The following PSMD1 variants were observed in gnomAD, a reference collection of about 807,000 sequenced individuals.
The protein encoded by PSMD1 is proteasome 26S subunit, non-ATPase 1.
In PSMD1, 18 loss-of-function variants were observed where a neutral mutation model predicts 119.0. The observed-to-expected ratio is 0.15, with a 90% CI of 0.10 to 0.22. PSMD1 has a LOEUF of 0.22. Among genes scored for constraint, PSMD1 ranks in the 10% least tolerant of loss-of-function variants. The pLI, the probability that PSMD1 is intolerant of heterozygous loss-of-function variation, is 1.00. For synonymous variants in PSMD1, 374 were observed against 396.6 expected (o/e 0.94, Z 0.68); for missense variants, 702 against 1,158.5 (o/e 0.61, Z 5.72).
chr2:231,104,875 C>T (rs2125197533), intron 16 of PSMD1, among the ~76,000 whole-genome samples: 1 of 152,230 alleles, frequency 6.6e-6, no homozygotes, highest in Non-Finnish European at 1.5e-5. Flanking sequence ...GAAGTGACAT[C>T]ATTTACTGTC....
At chr2:231,061,789 C>T (rs1237424897) in intron 2 of PSMD1, among the ~76,000 whole-genome samples, 1 of 152,094 alleles carries the variant, frequency 6.6e-6, no homozygotes, top group Non-Finnish European at 1.5e-5. Context: ...ATCTCAAACT[C>T]CTGCTCCTGG....
Position 231,109,190 on chromosome 2 carries a change from C to A in PSMD1, c.1883+22009C>A, listed in dbSNP as rs148453128. ...TGTAGACACAGTCAACCATGTTAGG[C>A]GTTGAGGTGGCTTGTTTTTGACTAA... On this transcript the variant is annotated intron_variant, in intron 16 of 24. Transcript: ENST00000308696. The A allele has an allele frequency of 2.5e-6, 4 of 1,614,106 alleles. No individual in the cohort carries two copies. In the African/African-American group the frequency reaches 4.0e-5, roughly 16 times the overall value.
Position 231,085,124 on chromosome 2 carries a change from C to T in PSMD1, c.1818+10C>T. ...CCTGCTACATGTTGCTGTAAGTACT[C>T]TGACCTTTCTTGGGAATGGGGTGGA... is the stretch of plus-strand genomic sequence containing the variant. On this transcript the variant is annotated intron_variant, in intron 15 of 24. Coordinates refer to ENST00000308696, the MANE Select transcript of PSMD1 (RefSeq NM_002807.4). 6.2e-7 allele frequency: 1 copy of T among 1,608,180 alleles called. No individual in the cohort carries two copies. The highest frequency in any genetic ancestry group is 8.5e-7 in the Non-Finnish European group (1 of 1,174,662).
chr2:231,123,811 T>TACC, intron 16 of PSMD1: 1 of 1,390,402 alleles, frequency 7.2e-7, no homozygotes, highest in Non-Finnish European at 1.0e-6. Flanking sequence ...GTGGTCAGCA[T>TACC]GGTTAGTAGC....
At chr2:231,138,432 C>T (rs1183943676) in intron 16 of PSMD1, among the ~76,000 whole-genome samples, 3 of 152,136 alleles carry the variant, frequency 2.0e-5, no homozygotes, top group African/African-American at 7.2e-5. Context: ...TGTGCTACCC[C>T]CAACATGGCT....
intron 21 of PSMD1, 159 bp from the exon 22 acceptor site, chr2:231,165,040 AT>A (rs1696737450): frequency 3.7e-4 from 3 of 8,194 alleles, no homozygotes; most frequent in Admixed American, 2.1e-3. Flanking sequence ...ATATTTATAT[AT>A]ATATATATAT....
At chr2:231,105,537 C>G (rs1371691253) in intron 16 of PSMD1, among the ~76,000 whole-genome samples, 1 of 151,794 alleles carries the variant, frequency 6.6e-6, no homozygotes, top group East Asian at 1.9e-4. Context: ...AATTGATAAT[C>G]TGATATGGAC....
At chr2:231,073,457 T>A (rs1694087171) in intron 7 of PSMD1, among the ~76,000 whole-genome samples, 1 of 152,192 alleles carries the variant, frequency 6.6e-6, no homozygotes, top group Non-Finnish European at 1.5e-5. Flanking sequence ...AGTCAGGTAT[T>A]GTAAGACCTA....
In PSMD1 at chr2:231,079,702, T is replaced by C. The variant is rs143760662; in HGVS notation, c.1239+88T>C. The C allele has an allele frequency of 4.0e-3, 3,188 of 803,736 alleles. 26 individuals are homozygous for C. The highest frequency in any genetic ancestry group is 3.2e-3 in the Non-Finnish European group (1,691 of 526,702). The allele number at this position is 803,736 out of a possible 1,614,324, so 49.8% of individuals were successfully genotyped here. On this transcript the variant is annotated intron_variant, in intron 11 of 24. Transcript: ENST00000308696. ...AAAAATAACAGTTTATTATAATTCA[T>C]TAACAAGTACACTTTGTTAAGTCAG...
chr2:231,115,325 C>T (rs1448430188), intron 16 of PSMD1, among the ~76,000 whole-genome samples: 1 of 152,004 alleles, frequency 6.6e-6, no homozygotes, highest in Admixed American at 6.6e-5. Flanking sequence ...GACAAAGTAT[C>T]CAGAAGGTAG....
chr2:231,105,260 T>C (rs566556300), intron 16 of PSMD1, among the ~76,000 whole-genome samples: 2 of 152,330 alleles, frequency 1.3e-5, no homozygotes, highest in South Asian at 4.1e-4. Context: ...GAAATGAACA[T>C]AGTACATTAA....
chr2:231,103,232 C>T (rs1334686193), intron 16 of PSMD1, among the ~76,000 whole-genome samples: 3 of 152,226 alleles, frequency 2.0e-5, no homozygotes, highest in African/African-American at 7.2e-5. Flanking sequence ...TTTCTTCTTA[C>T]ACCAGTTTTC....
At chr2:231,166,559 T>C (rs1194862427) in intron 23 of PSMD1, among the ~76,000 whole-genome samples, 2 of 152,196 alleles carry the variant, frequency 1.3e-5, no homozygotes, top group Non-Finnish European at 2.9e-5. Context: ...CATTGCATTT[T>C]AGTTAGAAAA....
intron 16 of PSMD1, among the ~76,000 whole-genome samples, chr2:231,110,874 C>G (rs1695136601): frequency 6.6e-6 from 1 of 152,220 alleles, no homozygotes; most frequent in South Asian, 2.1e-4. Context: ...CATATACGCC[C>G]TGCAAGCCCA....
intron 4 of PSMD1, among the ~76,000 whole-genome samples, chr2:231,066,554 A>G (rs1693913993): frequency 6.6e-6 from 1 of 152,190 alleles, no homozygotes; most frequent in Admixed American, 6.5e-5. Context: ...TTAAAAATAA[A>G]TTAAATAAGA....
Position 231,056,930 on chromosome 2 carries a change from C to T in PSMD1, c.-96C>T, listed in dbSNP as rs574529204. ...CTGACTGAGCAGCGCACCCGGGGAGCAAGGAGGCGCGGTGAACTGAGCGGC... is the reference window on the plus strand; with the variant it reads ...CTGACTGAGCAGCGCACCCGGGGAGTAAGGAGGCGCGGTGAACTGAGCGGC... On this transcript the variant is annotated 5_prime_UTR_variant, in exon 1 of 25. Transcript: ENST00000308696. The T allele has an allele frequency of 2.0e-6, 3 of 1,492,662 alleles. No homozygotes were observed. Among genetic ancestry groups the T allele is most frequent in the East Asian group, 2.5e-5 (1 of 39,248 alleles). 92.5% of individuals were successfully genotyped at this position (1,492,662 alleles called of 1,614,324 possible).
chr2:231,088,809 C>T lies in PSMD1; in HGVS notation c.1883+1628C>T, dbSNP rs967527859. On this transcript the variant is annotated intron_variant, in intron 16 of 24. Transcript: ENST00000308696. ...GAGTCCCACATTTCTCACTTTAAAT[C>T]AAAAACTAGAAATGATAAAGCTTAG... Among the ~76,000 whole-genome samples the T allele has an allele frequency of 3.3e-5, 5 of 152,246 alleles. No individual in the cohort carries two copies. The East Asian group carries it at 5.8e-4, about 18-fold the overall frequency.
chr2:231,094,744 A>G (rs1180646834), intron 16 of PSMD1, among the ~76,000 whole-genome samples: 2 of 152,256 alleles, frequency 1.3e-5, no homozygotes, highest in Non-Finnish European at 2.9e-5. Context: ...GCACAACTAC[A>G]GAAGTATGAG....
intron 16 of PSMD1, chr2:231,108,425 C>A: frequency 1.1e-6 from 1 of 874,168 alleles, no homozygotes; most frequent in Non-Finnish European, 1.8e-6. Flanking sequence ...TGATATATGA[C>A]ATAAAATTCT....
Sources: allele counts gnomAD v4.1 joint callset (sites outside exome capture counted in the v4.1 genomes callset), GRCh38; gene constraint gnomAD v4.1.1; transcripts MANE v1.5; gene names NCBI Gene and HGNC (gene_info 2026-07-23, HGNC 2026-07-21).